The following DCDC2 variants were observed in gnomAD, a reference collection of about 807,000 sequenced individuals.
DCDC2 encodes doublecortin domain containing 2.
In DCDC2, 40 loss-of-function variants were observed where a neutral mutation model predicts 50.2. The ratio of observed to expected loss-of-function variants is 0.80; its 90% CI spans 0.62 to 1.04. DCDC2 has a LOEUF of 1.04. DCDC2 is among the 50% of genes least tolerant of loss of function. The probability of loss-of-function intolerance (pLI) is 0.00; values close to 1 mark genes in which losing one functional copy is unlikely to be tolerated. For missense variants in DCDC2, 570 were observed against 581.9 expected (o/e 0.98, Z 0.21); for synonymous variants, 234 against 210.6 (o/e 1.11, Z -0.96).
upstream of DCDC2, among the ~76,000 whole-genome samples, chr6:24,359,502 ATT>A (rs1263766099): frequency 1.0e-5 from 1 of 96,570 alleles, no homozygotes; most frequent in Non-Finnish European, 1.9e-5. Flanking sequence ...TATTATATAT[ATT>A]TTATATATTA....
chr6:24,202,139 G>A (rs1210027509), intron 8 of DCDC2, among the ~76,000 whole-genome samples: 1 of 152,168 alleles, frequency 6.6e-6, no homozygotes, highest in Non-Finnish European at 1.5e-5. Context: ...ATTTTATGAG[G>A]CCAGCATCAT....
chr6:24,172,487 C>G lies in DCDC2; in HGVS notation c.*2243G>C, dbSNP rs1450281926. 1 of 151,586 alleles carries G rather than the reference C, an allele frequency of 6.6e-6. No individual in the cohort carries two copies. The highest frequency in any genetic ancestry group is 1.5e-5 in the Non-Finnish European group (1 of 67,974). 9.4% of individuals were successfully genotyped at this position (151,586 alleles called of 1,614,324 possible). ...ATGACGCTTAAGGTGTTTCCTAAAA[C>G]CTAAGTTTCATAATATAATGAATAA... On this transcript the variant is annotated 3_prime_UTR_variant, in exon 10 of 10. Transcript: ENST00000378454.
chr6:24,227,029 G>A (rs1762246134), intron 7 of DCDC2, among the ~76,000 whole-genome samples: 1 of 152,112 alleles, frequency 6.6e-6, no homozygotes, highest in Admixed American at 6.6e-5. Flanking sequence ...CTTAGAACAT[G>A]ACACAAAGAT....
chr6:24,223,247 G>A (rs1346710853), intron 7 of DCDC2, among the ~76,000 whole-genome samples: 1 of 152,154 alleles, frequency 6.6e-6, no homozygotes, highest in African/African-American at 2.4e-5. Flanking sequence ...ATGACACATT[G>A]TTCTTAAGTA....
At chr6:24,361,370 C>T (rs551590609), upstream of DCDC2, among the ~76,000 whole-genome samples, 11 of 151,742 alleles carry the variant, frequency 7.2e-5, no homozygotes, top group Non-Finnish European at 2.9e-5. Flanking sequence ...AACAAACCTC[C>T]GTGACACGAG....
chr6:24,189,142 A>T (rs142771531), intron 8 of DCDC2, among the ~76,000 whole-genome samples: 10 of 152,226 alleles, frequency 6.6e-5, no homozygotes, highest in Non-Finnish European at 1.0e-4. Context: ...CTCCATGTGT[A>T]TCTTGCTATT....
intron 7 of DCDC2, among the ~76,000 whole-genome samples, chr6:24,219,628 G>C (rs538011445): frequency 6.6e-6 from 1 of 152,290 alleles, no homozygotes; most frequent in Admixed American, 6.5e-5. Context: ...TGGCTGTGTG[G>C]GTATACGACC....
Position 24,203,216 on chromosome 6 carries a change from T to C in DCDC2, c.1023+1786A>G, listed in dbSNP as rs575297849. ...AAAAGGAACAAAGCTGGAGGCATCA[T>C]GCTACCTGACTTCAAACTATACTAC... On this transcript the variant is annotated intron_variant, in intron 8 of 9. Coordinates refer to ENST00000378454, the MANE Select transcript of DCDC2 (RefSeq NM_016356.5). Among the ~76,000 whole-genome samples the C allele has an allele frequency of 1.5e-4, 23 of 152,238 alleles. No individual in the cohort carries two copies. In the East Asian group the frequency reaches 3.3e-3, roughly 22 times the overall value.
chr6:24,302,484 G>A (rs965762857), intron 2 of DCDC2, among the ~76,000 whole-genome samples: 14 of 151,594 alleles, frequency 9.2e-5, no homozygotes, highest in Non-Finnish European at 1.8e-4. Context: ...CTGATCCTTG[G>A]CCCCCACCAA....
At position 24,171,939 on chromosome 6, in the gene DCDC2, AT is replaced by A. The variant is rs1760788560; in HGVS notation, c.*2790del. On this transcript the variant is annotated 3_prime_UTR_variant, in exon 10 of 10. Transcript: ENST00000378454. ...AACATATTAAAGCATTATATTGGTT[AT>A]CACATAAAAGCATCATAAGTTTTTC... is the stretch of plus-strand genomic sequence containing the variant. 6.6e-6 allele frequency: 1 copy of A among 152,266 alleles called. No homozygotes were observed. 9.4% of individuals were successfully genotyped at this position (152,266 alleles called of 1,614,324 possible).
At chr6:24,274,128 A>G (rs963740705) in intron 7 of DCDC2, among the ~76,000 whole-genome samples, 4 of 152,194 alleles carry the variant, frequency 2.6e-5, no homozygotes, top group Non-Finnish European at 4.4e-5. Context: ...ACAATTATCA[A>G]TACAATGTAA....
intron 5 of DCDC2, among the ~76,000 whole-genome samples, chr6:24,289,245 T>A (rs1052734726): frequency 1.3e-5 from 2 of 152,212 alleles, no homozygotes; most frequent in African/African-American, 4.8e-5. Flanking sequence ...GAATAATGAT[T>A]TTTCCAGACT....
At chr6:24,219,975 C>A (rs1762063242) in intron 7 of DCDC2, among the ~76,000 whole-genome samples, 1 of 152,260 alleles carries the variant, frequency 6.6e-6, no homozygotes, top group South Asian at 2.1e-4. Context: ...ATAAAGATGA[C>A]CAAGGATAAT....
intron 7 of DCDC2, among the ~76,000 whole-genome samples, chr6:24,252,652 A>G (rs1194210894): frequency 6.6e-6 from 1 of 152,228 alleles, no homozygotes; most frequent in Non-Finnish European, 1.5e-5. Context: ...GGGGAGGATG[A>G]GCCTAGAGCC....
chr6:24,267,511 T>C (rs763550219), intron 7 of DCDC2, among the ~76,000 whole-genome samples: 1 of 152,084 alleles, frequency 6.6e-6, no homozygotes, highest in Non-Finnish European at 1.5e-5. Context: ...AATGTAAAAG[T>C]ATGAAAATAT....
At chr6:24,279,288 G>C (rs954969569) in intron 6 of DCDC2, among the ~76,000 whole-genome samples, 1 of 152,144 alleles carries the variant, frequency 6.6e-6, no homozygotes, top group Admixed American at 6.5e-5. Context: ...AGGATCATTT[G>C]AGGTCAGGAG....
intron 7 of DCDC2, among the ~76,000 whole-genome samples, chr6:24,268,837 G>A (rs1561751154): frequency 6.6e-6 from 1 of 152,128 alleles, no homozygotes; most frequent in African/African-American, 2.4e-5. Flanking sequence ...CTCCCAAAGT[G>A]CTGGGATTAC....
rs1303427650 is a variant in DCDC2, at chr6:24,352,545, C to A, written c.348+1024G>T. Among the ~76,000 whole-genome samples, 4 of 152,146 alleles carry A rather than the reference C, an allele frequency of 2.6e-5. No homozygotes were observed. The East Asian group carries it at 7.7e-4, about 29-fold the overall frequency. The stretch of plus-strand genomic sequence containing the variant: ...AAATATTAATTATGTTAAATGATGT[C>A]TAGGAAGGGTACCTCTTTCTACAGA... On this transcript the variant is annotated intron_variant, in intron 2 of 9. Transcript: ENST00000378454.
At chr6:24,196,501 ACCTCCG>A (rs1263958912) in intron 8 of DCDC2, among the ~76,000 whole-genome samples, 2 of 152,164 alleles carry the variant, frequency 1.3e-5, no homozygotes, top group African/African-American at 4.8e-5. Flanking sequence ...GCTCACTGCA[ACCTCCG>A]CCTCCCAGAT....
Sources: allele counts gnomAD v4.1 joint callset (sites outside exome capture counted in the v4.1 genomes callset), GRCh38; gene constraint gnomAD v4.1.1; transcripts MANE v1.5; gene names NCBI Gene and HGNC (gene_info 2026-07-23, HGNC 2026-07-21).